The following ANO3 variants were observed in gnomAD, a reference collection of about 807,000 sequenced individuals.
ANO3 encodes the protein anoctamin 3.
ANO3 carries 99 observed loss-of-function variants against 144.8 expected under a neutral mutation model. That is an observed-to-expected ratio of 0.68 (90% CI 0.58 to 0.81). The LOEUF (loss-of-function observed/expected upper bound fraction) is 0.81, where lower values mean the gene tolerates loss of function less well. ANO3 is among the 30% of genes least tolerant of loss of function. The pLI is 0.00. For missense variants in ANO3, 905 were observed against 1,202.2 expected (o/e 0.75, Z 3.66); for synonymous variants, 414 against 392.6 (o/e 1.05, Z -0.64).
intron 17 of ANO3, among the ~76,000 whole-genome samples, chr11:26,622,334 C>T (rs1852440317): frequency 6.6e-6 from 1 of 150,388 alleles, no homozygotes; most frequent in Non-Finnish European, 1.5e-5. Flanking sequence ...TAGGGCTGGG[C>T]GTGGTGGCTC....
rs540865338 is a variant in ANO3, at chr11:26,575,450, G to C, written c.1447+15671G>C. Among the ~76,000 whole-genome samples, 193 of 151,876 alleles carry C rather than the reference G, an allele frequency of 1.3e-3. 1 individual carries two copies. The highest frequency in any genetic ancestry group is 2.9e-3 in the Admixed American group (44 of 15,240). ...TTAGAAATATTTTGAAGTAGAAATTGGATGGAAATAGATTTAAAGATAAAA... is the reference window on the plus strand; with the variant it reads ...TTAGAAATATTTTGAAGTAGAAATTCGATGGAAATAGATTTAAAGATAAAA... On this transcript the variant is annotated intron_variant, in intron 14 of 26. Transcript: ENST00000256737.
chr11:26,511,437 A>G (rs1358303391), intron 5 of ANO3, among the ~76,000 whole-genome samples: 1 of 152,162 alleles, frequency 6.6e-6, no homozygotes. Flanking sequence ...AATTTTTTAT[A>G]CTCTTTCCAC....
intron 1 of ANO3, among the ~76,000 whole-genome samples, chr11:26,363,052 A>G (rs1855970044): frequency 6.6e-6 from 1 of 152,198 alleles, no homozygotes; most frequent in African/African-American, 2.4e-5. Flanking sequence ...GAAAGTAGAA[A>G]ACCTCAGTTG....
chr11:26,514,912 A>C (rs294014), intron 5 of ANO3, among the ~76,000 whole-genome samples: 119,543 of 151,928 alleles, frequency 0.79, 47,186 homozygotes, highest in East Asian at 0.85. Context: ...CTAAAAGAGA[A>C]TGGAAAAAAA....
chr11:26,391,528 T>G (rs1856878505), intron 1 of ANO3, among the ~76,000 whole-genome samples: 1 of 152,126 alleles, frequency 6.6e-6, no homozygotes, highest in African/African-American at 2.4e-5. Flanking sequence ...GTAGGGCATA[T>G]TTTACTTCAC....
At chr11:26,233,647 G>A (rs1389538268) in intron 1 of ANO3, among the ~76,000 whole-genome samples, 1 of 152,154 alleles carries the variant, frequency 6.6e-6, no homozygotes. Flanking sequence ...GCACACATAT[G>A]TTTATTGAAG....
intron 1 of ANO3, among the ~76,000 whole-genome samples, chr11:26,314,834 T>C (rs1854583649): frequency 6.6e-6 from 1 of 152,122 alleles, no homozygotes; most frequent in Admixed American, 6.6e-5. Flanking sequence ...AGGTGTTCAG[T>C]AAATGTGAGT....
intron 1 of ANO3, among the ~76,000 whole-genome samples, chr11:26,266,548 C>T (rs1853312255): frequency 6.6e-6 from 1 of 151,442 alleles, no homozygotes; most frequent in Non-Finnish European, 1.5e-5. Context: ...ATTCTCCTGC[C>T]TCAGCCGCCC....
At chr11:26,256,703 C>T (rs868739026) in intron 1 of ANO3, among the ~76,000 whole-genome samples, 4 of 152,138 alleles carry the variant, frequency 2.6e-5, no homozygotes, top group Non-Finnish European at 5.9e-5. Flanking sequence ...ACGCCACCAT[C>T]CCTGTGACAA....
At chr11:26,325,780 G>A (rs1193416330) in intron 1 of ANO3, among the ~76,000 whole-genome samples, 1 of 152,064 alleles carries the variant, frequency 6.6e-6, no homozygotes, top group Non-Finnish European at 1.5e-5. Flanking sequence ...ATAACCCCTG[G>A]TCAAACCAGC....
At chr11:26,609,653 G>A (rs575775870) in intron 17 of ANO3, among the ~76,000 whole-genome samples, 1 of 152,134 alleles carries the variant, frequency 6.6e-6, no homozygotes, top group East Asian at 1.9e-4. Flanking sequence ...TGAAGGACAT[G>A]TGTTGATTCC....
At chr11:26,209,352 C>T (rs1851884018) in intron 1 of ANO3, among the ~76,000 whole-genome samples, 2 of 152,262 alleles carry the variant, frequency 1.3e-5, no homozygotes, top group East Asian at 1.9e-4. Flanking sequence ...CAAAGTATTC[C>T]ATTTTGTATA....
At chr11:26,565,820 C>T in intron 14 of ANO3, 1 of 1,612,634 alleles carries the variant, frequency 6.2e-7, no homozygotes, top group Non-Finnish European at 8.5e-7. Flanking sequence ...GTGAATAAAA[C>T]AACGTTGAAA....
chr11:26,261,866 A>C (rs1238090934), intron 1 of ANO3, among the ~76,000 whole-genome samples: 1 of 152,216 alleles, frequency 6.6e-6, no homozygotes, highest in Non-Finnish European at 1.5e-5. Flanking sequence ...TTAGGATTCA[A>C]AAAGTGAGTG....
chr11:26,520,739 G>T (rs1387058715), intron 6 of ANO3, among the ~76,000 whole-genome samples: 3 of 152,094 alleles, frequency 2.0e-5, no homozygotes, highest in Admixed American at 2.0e-4. Context: ...TAATAAAAAT[G>T]AAGATTTCTG....
At chr11:26,194,199 A>G (rs1346526501) in intron 1 of ANO3, among the ~76,000 whole-genome samples, 1 of 152,172 alleles carries the variant, frequency 6.6e-6, no homozygotes, top group African/African-American at 2.4e-5. Context: ...CTCACAATTT[A>G]TATGAGGCAA....
At chr11:26,201,646 G>T (rs1025493995) in intron 1 of ANO3, among the ~76,000 whole-genome samples, 2 of 151,886 alleles carry the variant, frequency 1.3e-5, no homozygotes, top group African/African-American at 4.8e-5. Context: ...ATCATAAGTG[G>T]ATTTGCAATA....
intron 14 of ANO3, among the ~76,000 whole-genome samples, chr11:26,564,690 TATACACACACAC>T (rs1487702661): frequency 1.6e-4 from 3 of 18,676 alleles, no homozygotes; most frequent in East Asian, 1.1e-3. Flanking sequence ...TACTCATATA[TATACACACACAC>T]ACACACACAC....
intron 1 of ANO3, among the ~76,000 whole-genome samples, chr11:26,426,399 T>C (rs1857921756): frequency 6.6e-6 from 1 of 152,178 alleles, no homozygotes; most frequent in Admixed American, 6.6e-5. Flanking sequence ...GAGGGTAGTT[T>C]GGCATGTCTA....
Sources: gnomAD v4.1 joint callset for allele counts (sites outside exome capture counted in the v4.1 genomes callset) on GRCh38, gnomAD v4.1.1 for gene constraint, MANE v1.5 for transcripts, NCBI Gene and HGNC (gene_info 2026-07-23, HGNC 2026-07-21) for gene names.